The following TRIP12 variants were observed in gnomAD, a reference collection of about 807,000 sequenced individuals.
TRIP12 encodes the protein E3 ubiquitin-protein ligase TRIP12.
In TRIP12, 25 loss-of-function variants were observed where a neutral mutation model predicts 244.2. The observed-to-expected ratio is 0.10, with a 90% CI of 0.07 to 0.14. The LOEUF (loss-of-function observed/expected upper bound fraction) is 0.14, where lower values mean the gene tolerates loss of function less well. Among genes scored for constraint, TRIP12 ranks in the 10% least tolerant of loss-of-function variants. The probability of loss-of-function intolerance (pLI) is 1.00; values close to 1 mark genes in which losing one functional copy is unlikely to be tolerated. For synonymous variants in TRIP12, 905 were observed against 873.1 expected (o/e 1.04, Z -0.64); for missense variants, 1,677 against 2,486.4 (o/e 0.67, Z 6.92).
At position 229,811,052 on chromosome 2, in the gene TRIP12, A is replaced by G. The variant is rs909667762; in HGVS notation, c.2056-7T>C. On this transcript the variant is annotated splice_polypyrimidine_tract_variant and splice_region_variant and intron_variant, in intron 14 of 41. Transcript: ENST00000675903. Reference sequence around the variant, plus strand: ...CAACCTGCTGGAGTAAATTCTTCACAAACACAAGAATAAAGGAATTATTAC... The same window carrying G: ...CAACCTGCTGGAGTAAATTCTTCACGAACACAAGAATAAAGGAATTATTAC... The G allele has an allele frequency of 3.1e-6, 5 of 1,613,716 alleles. No individual in the cohort carries two copies. In the African/African-American group the frequency reaches 5.3e-5, roughly 17 times the overall value.
At chr2:229,777,184 CAATAA>C in intron 37 of TRIP12, 126 bp downstream of exon 37, 1 of 1,051,786 alleles carries the variant, frequency 9.5e-7, no homozygotes, top group Non-Finnish European at 1.3e-6. Flanking sequence ...TTAGTTAGTA[CAATAA>C]AAGAATTAAA....
chr2:229,860,436 G>A lies in TRIP12; in HGVS notation c.194C>T (p.Ser65Phe), dbSNP rs749078387. The stretch of plus-strand genomic sequence containing the variant: ...AGAAAGGTGTCCCCTTGACAGTTCA[G>A]AAGTAGTATTAGACTGCACTTTGGG... Reference protein sequence around the residue: ...KAPKVQSNTTSELSRGHLSKR... With the variant: ...KAPKVQSNTTFELSRGHLSKR... The change falls in exon 3 of 42, where the codon TCT (serine) becomes TTT (phenylalanine). Residue 65 changes from serine to phenylalanine, a missense_variant. Ser to Phe is a radical substitution (Grantham distance 155). Transcript: ENST00000675903. 5 of 1,610,306 alleles carry A rather than the reference G, an allele frequency of 3.1e-6. No homozygotes were observed. The highest frequency in any genetic ancestry group is 3.4e-6 in the Non-Finnish European group (4 of 1,178,412).
chr2:229,903,857 C>T (rs1453380454), intron 1 of TRIP12, among the ~76,000 whole-genome samples: 1 of 145,092 alleles, frequency 6.9e-6, no homozygotes, highest in Non-Finnish European at 1.5e-5. Context: ...GTTGTCTCTA[C>T]CAAAAATACA....
chr2:229,883,100 G>A (rs751116702), intron 1 of TRIP12, among the ~76,000 whole-genome samples: 1 of 152,110 alleles, frequency 6.6e-6, no homozygotes, highest in Non-Finnish European at 1.5e-5. Flanking sequence ...AAAACCAGAG[G>A]GCTGGAAGGG....
chr2:229,900,069 A>G (rs543652209), intron 1 of TRIP12, among the ~76,000 whole-genome samples: 1 of 152,346 alleles, frequency 6.6e-6, no homozygotes, highest in East Asian at 1.9e-4. Context: ...CAGTTGCACA[A>G]AATAACTTCA....
At chr2:229,917,367 C>T (rs953569850) in intron 1 of TRIP12, among the ~76,000 whole-genome samples, 20 of 82,180 alleles carry the variant, frequency 2.4e-4, no homozygotes, top group Non-Finnish European at 4.1e-4. Flanking sequence ...GGCAACAGAG[C>T]GAGACTCTGT....
chr2:229,839,551 C>A (rs780547150), intron 5 of TRIP12, among the ~76,000 whole-genome samples: 3 of 151,866 alleles, frequency 2.0e-5, no homozygotes, highest in Admixed American at 6.6e-5. Context: ...TGGTGGCGGG[C>A]GCCTATAGTC....
chr2:229,787,940 T>C, intron 32 of TRIP12, among the ~76,000 whole-genome samples: 1 of 152,094 alleles, frequency 6.6e-6, no homozygotes, highest in Admixed American at 6.6e-5. Context: ...GTAGCTGGGA[T>C]TACAGGCTCC....
chr2:229,833,832 CA>C lies in TRIP12; in HGVS notation c.1271-2994del, dbSNP rs930508150. Among the ~76,000 whole-genome samples, 346 of 132,412 alleles carry C rather than the reference CA, an allele frequency of 2.6e-3. 1 individual carries two copies. Among genetic ancestry groups the C allele is most frequent in the African/African-American group, 8.2e-3 (294 of 36,044 alleles). The allele number at this position is 132,412 out of a possible 152,430, so 86.9% of individuals were successfully genotyped here. ...TTAGTTTGGTTTTACCAAAACAAAA[CA>C]AAAAAAAAACAAAAAAACTACTAGT... On this transcript the variant is annotated intron_variant, in intron 6 of 41. Transcript: ENST00000675903.
At chr2:229,827,987 T>C (rs984464553) in intron 8 of TRIP12, among the ~76,000 whole-genome samples, 1 of 152,348 alleles carries the variant, frequency 6.6e-6, no homozygotes, top group Admixed American at 6.5e-5. Context: ...CTGTACTGTA[T>C]ATTAGCTAGA....
At chr2:229,884,358 T>C (rs189794173) in intron 1 of TRIP12, among the ~76,000 whole-genome samples, 1,861 of 149,312 alleles carry the variant, frequency 0.012, 44 homozygotes, top group African/African-American at 0.043. Flanking sequence ...TGCCTTGGCC[T>C]CCAGAGTAGC....
chr2:229,807,842 T>C lies in TRIP12; in HGVS notation c.2362A>G (p.Lys788Glu), dbSNP rs1373424845. ...LICELMPCLP[K>E]EGIFAVDTML... The stretch of plus-strand genomic sequence containing the variant: ...GTATCAACTGCAAAAATGCCTTCTT[T>C]TGGTAAACATGGCATAAGTTCACTG... Residue 788 changes from lysine (K) to glutamate (E), a missense_variant, in exon 17 of 42, where the codon AAA becomes GAA. By Grantham distance (56) the Lys-to-Glu change is moderately conservative (BLOSUM62 1). Coordinates refer to ENST00000675903, the MANE Select transcript of TRIP12 (RefSeq NM_001348323.3). 7 of 1,613,896 alleles carry C rather than the reference T, an allele frequency of 4.3e-6. No homozygotes were observed. The highest frequency in any genetic ancestry group is 5.9e-6 in the Non-Finnish European group (7 of 1,179,936).
At chr2:229,897,744 T>C (rs891227786) in intron 1 of TRIP12, among the ~76,000 whole-genome samples, 1 of 152,250 alleles carries the variant, frequency 6.6e-6, no homozygotes, top group Non-Finnish European at 1.5e-5. Flanking sequence ...AAGAGCCCCA[T>C]GGCACTTTGC....
chr2:229,812,405 C>T (rs1378405058), intron 13 of TRIP12, among the ~76,000 whole-genome samples: 2 of 151,868 alleles, frequency 1.3e-5, no homozygotes, highest in Non-Finnish European at 2.9e-5. Context: ...TAAAAATAAA[C>T]ACATAAACAG....
In TRIP12 at chr2:229,793,040, C is replaced by A. The variant is rs748463572; in HGVS notation, c.4074G>T (p.Lys1358Asn). 1 of 1,613,972 alleles carries A rather than the reference C, an allele frequency of 6.2e-7. No individual in the cohort carries two copies. Among genetic ancestry groups the A allele is most frequent in the Non-Finnish European group, 8.5e-7 (1 of 1,179,920 alleles). The change falls in exon 27 of 42, where the codon AAG becomes AAT. Residue 1358 changes from lysine (K) to asparagine (N), a missense_variant. Lys to Asn is a moderately conservative substitution (Grantham distance 94). Coordinates refer to ENST00000675903, the MANE Select transcript of TRIP12 (RefSeq NM_001348323.3). ...GAGGGTCAATCTTGACAGGTCCACC[C>A]TTCCACTGCTTCACATTTGCACAGT... ...HPDCANVKQW[K>N]GGPVKIDPLA...
rs182681439 is a variant in TRIP12 at position 229,795,311 on chromosome 2, A to G, written c.3836T>C (p.Ile1279Thr). Residue 1279 changes from isoleucine to threonine, a missense_variant, in exon 26 of 42, where the codon ATT (isoleucine) becomes ACT (threonine). By Grantham distance (89) the Ile-to-Thr change is moderately conservative (BLOSUM62 -1). Coordinates refer to ENST00000675903, the MANE Select transcript of TRIP12 (RefSeq NM_001348323.3). ...ATTACCCACTGGTTCCACTCTTCCAATGGGCTCTTCTCCAGGAAGCTAAAG... is the reference window on the plus strand; with the variant it reads ...ATTACCCACTGGTTCCACTCTTCCAGTGGGCTCTTCTCCAGGAAGCTAAAG... ...FSSPLPGEEP[I>T]GRVEPVGNAP... The G allele has an allele frequency of 1.2e-6, 2 of 1,613,556 alleles. No homozygotes were observed. Among genetic ancestry groups the G allele is most frequent in the Admixed American group, 3.3e-5 (2 of 59,954 alleles).
At chr2:229,847,504 A>G (rs560309743) in intron 4 of TRIP12, among the ~76,000 whole-genome samples, 1 of 152,352 alleles carries the variant, frequency 6.6e-6, no homozygotes, top group East Asian at 1.9e-4. Flanking sequence ...CATTAAAACA[A>G]TCTGAGACAT....
chr2:229,876,911 G>C (rs1157614904), intron 2 of TRIP12, among the ~76,000 whole-genome samples: 2 of 152,108 alleles, frequency 1.3e-5, no homozygotes, highest in Non-Finnish European at 2.9e-5. Flanking sequence ...GCCCAGGCTG[G>C]TCTCGAACTC....
rs555429539 is a variant in TRIP12 at position 229,778,263 on chromosome 2, C to T, written c.5364+170G>A. On this transcript the variant is annotated intron_variant, in intron 36 of 41. Coordinates refer to ENST00000675903, the MANE Select transcript of TRIP12 (RefSeq NM_001348323.3). This position sits in a 1 kb window ranked among gnomAD's most constrained non-coding sequence, Gnocchi z 4.1. ...GGACAGTAGGACAGTCTTACCCCTG[C>T]CCTACTGAATCAGAACCGGCATTTT... Among the ~76,000 whole-genome samples the T allele has an allele frequency of 2.4e-3, 369 of 152,260 alleles. 1 individual carries two copies. The highest frequency in any genetic ancestry group is 0.014 in the Middle Eastern group (4 of 294).
Sources: allele counts gnomAD v4.1 joint callset (sites outside exome capture counted in the v4.1 genomes callset), GRCh38; gene constraint gnomAD v4.1.1; non-coding constraint Gnocchi (gnomAD v3.1); transcripts MANE v1.5; gene names NCBI Gene and HGNC (gene_info 2026-07-23, HGNC 2026-07-21).